The following NELL2 variants were observed in gnomAD, a reference collection of about 807,000 sequenced individuals.
NELL2 encodes the protein neural EGFL like 2.
Under a neutral mutation model 109.6 loss-of-function variants are expected in NELL2, and 41 were observed. The observed-to-expected ratio is 0.37, with a 90% CI of 0.29 to 0.49. The LOEUF is 0.49. NELL2 is among the 20% of genes least tolerant of loss of function. The pLI is 0.98. For missense variants in NELL2, 900 were observed against 1,008.3 expected (o/e 0.89, Z 1.45); for synonymous variants, 355 against 344.7 (o/e 1.03, Z -0.33).
At chr12:44,703,186 C>T (rs1566196349) in intron 12 of NELL2, among the ~76,000 whole-genome samples, 2 of 152,122 alleles carry the variant, frequency 1.3e-5, no homozygotes, top group Non-Finnish European at 2.9e-5. Flanking sequence ...GGACAGTTTC[C>T]ATGAGAGAAT....
upstream of NELL2, among the ~76,000 whole-genome samples, chr12:44,915,701 C>T (rs1280299257): frequency 2.6e-5 from 4 of 152,088 alleles, no homozygotes; most frequent in Admixed American, 1.3e-4. Flanking sequence ...GCCCAAGGTC[C>T]GGCAACACTT....
At chr12:44,558,237 A>G (rs986670103) in intron 15 of NELL2, among the ~76,000 whole-genome samples, 20 of 152,224 alleles carry the variant, frequency 1.3e-4, no homozygotes, top group Non-Finnish European at 8.8e-5. Flanking sequence ...TGGATAATCG[A>G]TTGAGCTCTA....
At chr12:44,870,004 A>C (rs1945117267) in intron 2 of NELL2, among the ~76,000 whole-genome samples, 1 of 152,162 alleles carries the variant, frequency 6.6e-6, no homozygotes, top group Non-Finnish European at 1.5e-5. Context: ...GCTAAAATCT[A>C]AGTTCATTGT....
chr12:44,656,844 T>A (rs1212513231), intron 13 of NELL2, among the ~76,000 whole-genome samples: 1 of 152,230 alleles, frequency 6.6e-6, no homozygotes, highest in African/African-American at 2.4e-5. Flanking sequence ...TTGAAAGCTA[T>A]TTTTAAATAG....
chr12:44,537,137 C>T (rs1942331085), intron 15 of NELL2, among the ~76,000 whole-genome samples: 2 of 151,560 alleles, frequency 1.3e-5, no homozygotes, highest in African/African-American at 2.4e-5. Flanking sequence ...TTCTGTACAA[C>T]ACCACACAGA....
intron 9 of NELL2, among the ~76,000 whole-genome samples, chr12:44,735,366 T>C (rs1227154803): frequency 1.3e-5 from 2 of 152,204 alleles, no homozygotes; most frequent in African/African-American, 2.4e-5. Flanking sequence ...AGGAAGAATG[T>C]TTATTATCCT....
chr12:44,905,726 T>A (rs977904674), intron 1 of NELL2, among the ~76,000 whole-genome samples: 3 of 152,090 alleles, frequency 2.0e-5, no homozygotes, highest in Admixed American at 1.3e-4. Flanking sequence ...TGGAAATAAA[T>A]CATCCACCAT....
intron 1 of NELL2, among the ~76,000 whole-genome samples, chr12:44,905,388 T>C (rs1227986685): frequency 6.6e-6 from 1 of 151,814 alleles, no homozygotes; most frequent in Non-Finnish European, 1.5e-5. Context: ...CCTTTTGATG[T>C]TTTTTACTGT....
Position 44,678,480 on chromosome 12 carries a change from A to C in NELL2, c.1319-12871T>G, listed in dbSNP as rs147973209. The stretch of plus-strand genomic sequence containing the variant: ...TCTTGGATGGCATCAGTGAACGTTC[A>C]CAACATTTATGTGAGTTGTGGTGTT... On this transcript the variant is annotated intron_variant, in intron 12 of 19. Transcript: ENST00000429094. Among the ~76,000 whole-genome samples, 270 of 152,136 alleles carry C rather than the reference A, an allele frequency of 1.8e-3. 2 individuals are homozygous for C. The highest frequency in any genetic ancestry group is 6.2e-3 in the African/African-American group (256 of 41,524).
chr12:44,788,675 G>A (rs567619449), intron 3 of NELL2, among the ~76,000 whole-genome samples: 1 of 152,294 alleles, frequency 6.6e-6, no homozygotes, highest in African/African-American at 2.4e-5. Context: ...GAACTTGGGG[G>A]AAGGCACAAA....
chr12:44,596,913 A>G (rs1944987933), intron 15 of NELL2, among the ~76,000 whole-genome samples: 1 of 152,156 alleles, frequency 6.6e-6, no homozygotes, highest in African/African-American at 2.4e-5. Context: ...TTATTATTAC[A>G]CTAAATGCCC....
At chr12:44,545,780 T>G (rs1417851684) in intron 15 of NELL2, among the ~76,000 whole-genome samples, 1 of 152,134 alleles carries the variant, frequency 6.6e-6, no homozygotes, top group Non-Finnish European at 1.5e-5. Context: ...ATAGAGAATA[T>G]GGATGTGAAG....
intron 10 of NELL2, among the ~76,000 whole-genome samples, chr12:44,712,873 GA>G (rs1280133478): frequency 6.6e-6 from 1 of 151,728 alleles, no homozygotes; most frequent in African/African-American, 2.4e-5. Context: ...GGGGAAAACA[GA>G]AAAAAACTAG....
At chr12:44,804,878 T>C (rs1351560535) in intron 3 of NELL2, among the ~76,000 whole-genome samples, 1 of 151,930 alleles carries the variant, frequency 6.6e-6, no homozygotes, top group Non-Finnish European at 1.5e-5. Flanking sequence ...AGAATTCAAC[T>C]CTGTCACTAG....
At chr12:44,693,926 T>C (rs969937959) in intron 12 of NELL2, among the ~76,000 whole-genome samples, 1 of 152,222 alleles carries the variant, frequency 6.6e-6, no homozygotes, top group Admixed American at 6.5e-5. Context: ...ATATTAATCC[T>C]GAAAGCTGTT....
At chr12:44,704,309 C>A (rs1189242481) in intron 11 of NELL2, among the ~76,000 whole-genome samples, 1 of 148,200 alleles carries the variant, frequency 6.7e-6, no homozygotes, top group African/African-American at 2.4e-5. Context: ...AATTAGACAG[C>A]TTAGCATCCA....
At chr12:44,804,626 A>G (rs1942939921) in intron 3 of NELL2, among the ~76,000 whole-genome samples, 1 of 151,956 alleles carries the variant, frequency 6.6e-6, no homozygotes, top group African/African-American at 2.4e-5. Context: ...AAATTATTTT[A>G]AGCAACTGAT....
intron 13 of NELL2, among the ~76,000 whole-genome samples, chr12:44,644,800 G>A (rs1472916645): frequency 6.6e-6 from 1 of 151,056 alleles, no homozygotes; most frequent in African/African-American, 2.4e-5. Flanking sequence ...ATACCTCCTA[G>A]GAACCATTCT....
At chr12:44,511,375 A>G (rs868868478) in intron 19 of NELL2, among the ~76,000 whole-genome samples, 4 of 152,342 alleles carry the variant, frequency 2.6e-5, no homozygotes, top group Middle Eastern at 3.4e-3. Flanking sequence ...TGTCAGGCAG[A>G]CACTACAGCA....
Sources: allele counts gnomAD v4.1 joint callset (sites outside exome capture counted in the v4.1 genomes callset), GRCh38; gene constraint gnomAD v4.1.1; transcripts MANE v1.5; gene names NCBI Gene and HGNC (gene_info 2026-07-23, HGNC 2026-07-21).